The following ADGRV1 variants were observed in gnomAD, a reference collection of about 807,000 sequenced individuals.
The protein encoded by ADGRV1 is G-protein coupled receptor 98.
In ADGRV1, 359 loss-of-function variants were observed where a neutral mutation model predicts 596.2. The observed-to-expected ratio is 0.60, with a 90% confidence interval of 0.55 to 0.66. The LOEUF is 0.66. Ranked by LOEUF, ADGRV1 falls within the 30% of genes least tolerant of loss-of-function variation. ADGRV1 has a pLI of 0.00. For synonymous variants in ADGRV1, 2,681 were observed against 2,679.2 expected, an observed-to-expected ratio of 1.00 and a Z score of -0.02; for missense variants, 7,274 against 7,575.6, an observed-to-expected ratio of 0.96 and a Z score of 1.48.
chr5:91,039,620 CAAAT>C (rs981443501), intron 85 of ADGRV1, among the ~76,000 whole-genome samples: 1 of 152,104 alleles, frequency 6.6e-6, no homozygotes, highest in Non-Finnish European at 1.5e-5. Flanking sequence ...TGCAAACAAA[CAAAT>C]AATAAATGTC....
intron 85 of ADGRV1, among the ~76,000 whole-genome samples, chr5:91,070,049 C>CTAAGCATT (rs1788245708): frequency 6.6e-6 from 1 of 152,012 alleles, no homozygotes; most frequent in Admixed American, 6.6e-5. Flanking sequence ...TAAGTGGAAG[C>CTAAGCATT]TAAGCATTGG....
At chr5:90,669,944 T>G (rs1189794204) in intron 21 of ADGRV1, among the ~76,000 whole-genome samples, 1 of 149,142 alleles carries the variant, frequency 6.7e-6, no homozygotes, top group Admixed American at 6.7e-5. Context: ...TCTTCTCCTC[T>G]CCATCTACAC....
rs34526448 is a variant in ADGRV1, at chr5:90,759,963, C to CAAAAAAAAAA, written c.12120+395_12120+404dup. The CAAAAAAAAAA allele has an allele frequency of 5.4e-4, 8 of 14,884 alleles. 2 individuals carry two copies. Among genetic ancestry groups the CAAAAAAAAAA allele is most frequent in the African/African-American group, 2.4e-3 (8 of 3,286 alleles). 0.9% of individuals were successfully genotyped at this position (14,884 alleles called of 1,614,324 possible). ...CTGGCGACATAGAGAGACTCCATCT[C>CAAAAAAAAAA]AAAAAAAAAAAAAAAAAAAAAAAAA... On this transcript the variant is annotated intron_variant, in intron 58 of 89. Coordinates refer to ENST00000405460, the MANE Select transcript of ADGRV1 (RefSeq NM_032119.4).
chr5:91,080,764 T>C (rs1335837125), intron 86 of ADGRV1, among the ~76,000 whole-genome samples: 1 of 152,148 alleles, frequency 6.6e-6, no homozygotes, highest in Non-Finnish European at 1.5e-5. Context: ...CTATTTAATT[T>C]CGTACAGTTG....
In ADGRV1 at chr5:90,653,603, A is replaced by G. The variant is rs1309417507; in HGVS notation, c.4029A>G (p.Lys1343=). ...LEGAFGTVNP[K]YHPSRNNTIA... ...GTGCATTTGGGACTGTTAATCCAAA[A>G]TACCATCCCTCCAGGAATAATACAA... Residue 1343 remains lysine (K), a synonymous_variant, in exon 20 of 90, where the codon AAA becomes AAG. Transcript: ENST00000405460. The G allele has an allele frequency of 4.3e-6, 7 of 1,613,818 alleles. 1 individual carries two copies. In the South Asian group the frequency reaches 7.7e-5, roughly 18 times the overall value.
chr5:90,952,979 T>G (rs1465538127), intron 83 of ADGRV1, among the ~76,000 whole-genome samples: 1 of 152,188 alleles, frequency 6.6e-6, no homozygotes, highest in African/African-American at 2.4e-5. Context: ...AGTTTAGTGA[T>G]TATTCATTGA....
intron 22 of ADGRV1, among the ~76,000 whole-genome samples, chr5:90,673,063 A>G (rs1772710810): frequency 6.6e-6 from 1 of 152,236 alleles, no homozygotes. Context: ...TTGTTTAATT[A>G]ATAAGAAAGG....
rs772925137 is a variant in ADGRV1, at chr5:90,729,708, C to G, written c.10493C>G (p.Ser3498Cys). The G allele has an allele frequency of 1.2e-6, 2 of 1,611,062 alleles. No individual in the cohort carries two copies. Among genetic ancestry groups the G allele is most frequent in the African/African-American group, 2.7e-5 (2 of 74,860 alleles). ...MGQSSFRYFQ[S>C]VDFAAVNRIH... ...CAGTCTTCCTTCAGGTATTTTCAGT[C>G]TGTAGATTTTGCTGCTGTTAACAGA... Residue 3498 changes from serine (S) to cysteine (C), a missense_variant, in exon 50 of 90, where the codon TCT (serine) becomes TGT (cysteine). Transcript: ENST00000405460.
intron 1 of ADGRV1, among the ~76,000 whole-genome samples, chr5:90,583,885 G>T (rs1037069764): frequency 1.3e-5 from 2 of 152,114 alleles, no homozygotes; most frequent in Non-Finnish European, 2.9e-5. Flanking sequence ...AATACGATAG[G>T]TGCTATAGAT....
At chr5:90,816,242 T>G (rs1171747606) in intron 75 of ADGRV1, among the ~76,000 whole-genome samples, 1 of 152,158 alleles carries the variant, frequency 6.6e-6, no homozygotes, top group South Asian at 2.1e-4. Flanking sequence ...GTGGAAGTGT[T>G]GTTTCTTTAG....
chr5:90,954,493 T>C (rs1423307901), intron 83 of ADGRV1, among the ~76,000 whole-genome samples: 2 of 152,144 alleles, frequency 1.3e-5, no homozygotes, highest in African/African-American at 2.4e-5. Flanking sequence ...TAAAGACATA[T>C]AAAGGAAGTC....
intron 59 of ADGRV1, among the ~76,000 whole-genome samples, chr5:90,767,815 G>T (rs1757306286): frequency 6.6e-6 from 1 of 151,954 alleles, no homozygotes; most frequent in Non-Finnish European, 1.5e-5. Flanking sequence ...CAGTCTATTT[G>T]CCATGCACAT....
At chr5:90,569,028 G>A in intron 1 of ADGRV1, among the ~76,000 whole-genome samples, 1 of 152,062 alleles carries the variant, frequency 6.6e-6, no homozygotes, top group East Asian at 1.9e-4. Context: ...CTTGGCTCTG[G>A]TATCTGGCAA....
chr5:91,107,124 C>A (rs1791945517), intron 87 of ADGRV1, among the ~76,000 whole-genome samples: 1 of 152,100 alleles, frequency 6.6e-6, no homozygotes, highest in Admixed American at 6.5e-5. Flanking sequence ...TGGGTGGAAT[C>A]TGATCATTTG....
intron 1 of ADGRV1, among the ~76,000 whole-genome samples, chr5:90,563,848 A>G (rs1032694902): frequency 6.6e-6 from 1 of 152,326 alleles, no homozygotes; most frequent in Admixed American, 6.5e-5. Flanking sequence ...AATTTTGACA[A>G]TTAGGTAGTA....
intron 87 of ADGRV1, 21 bp from the exon 88 acceptor site, chr5:91,150,009 C>CTTTTTTTT: frequency 3.9e-6 from 5 of 1,288,698 alleles, no homozygotes; most frequent in South Asian, 3.2e-5. Context: ...CTTTTCTTTT[C>CTTTTTTTT]TTTTTTTTTT....
intron 20 of ADGRV1, chr5:90,655,426 T>C (rs1299277842): frequency 2.0e-5 from 3 of 152,240 alleles, no homozygotes; most frequent in African/African-American, 7.2e-5. Flanking sequence ...ACACAATTTA[T>C]TTATTAGTGC....
At chr5:90,986,124 A>ATG (rs1780484993) in intron 85 of ADGRV1, among the ~76,000 whole-genome samples, 1 of 148,502 alleles carries the variant, frequency 6.7e-6, no homozygotes, top group Admixed American at 6.8e-5. Flanking sequence ...ATATATATAT[A>ATG]TATGTGACTT....
intron 53 of ADGRV1, among the ~76,000 whole-genome samples, chr5:90,751,870 T>C (rs1296178000): frequency 1.3e-5 from 2 of 152,224 alleles, no homozygotes; most frequent in Non-Finnish European, 2.9e-5. Flanking sequence ...CTACCAGAAC[T>C]GTAAGTTGTG....
Sources: gnomAD v4.1 joint callset for allele counts (sites outside exome capture counted in the v4.1 genomes callset) on GRCh38, gnomAD v4.1.1 for gene constraint, MANE v1.5 for transcripts, NCBI Gene and HGNC (gene_info 2026-07-23, HGNC 2026-07-21) for gene names.